The following PRKCE variants were observed in gnomAD, a reference collection of about 807,000 sequenced individuals.
The protein encoded by PRKCE is protein kinase C epsilon type.
A neutral mutation model predicts 85.4 loss-of-function variants in PRKCE; 16 were observed. The observed-to-expected ratio is 0.19, with a 90% confidence interval of 0.13 to 0.28. The LOEUF is 0.28. Ranked by LOEUF, PRKCE falls within the 10% of genes least tolerant of loss-of-function variation. The pLI is 1.00. For synonymous variants in PRKCE, 388 were observed against 371.5 expected, an observed-to-expected ratio of 1.04 and a Z score of -0.51; for missense variants, 573 against 975.2, an observed-to-expected ratio of 0.59 and a Z score of 5.49.
intron 1 of PRKCE, among the ~76,000 whole-genome samples, chr2:45,837,669 G>A (rs1377481943): frequency 6.6e-6 from 1 of 152,102 alleles, no homozygotes; most frequent in Admixed American, 6.5e-5. Context: ...CTAGCACACT[G>A]CATGATATAA....
intron 1 of PRKCE, among the ~76,000 whole-genome samples, chr2:45,660,752 G>C (rs570845208): frequency 6.6e-6 from 1 of 152,146 alleles, no homozygotes; most frequent in Non-Finnish European, 1.5e-5. Flanking sequence ...GTATATATGG[G>C]CTTGTTAGTA....
chr2:46,044,029 A>T (rs1708371933), intron 10 of PRKCE, among the ~76,000 whole-genome samples: 1 of 152,150 alleles, frequency 6.6e-6, no homozygotes, highest in East Asian at 1.9e-4. Context: ...CCTTGTTAGG[A>T]TTTCATGCCA....
intron 2 of PRKCE, among the ~76,000 whole-genome samples, chr2:45,958,835 T>C (rs1355395303): frequency 9.7e-6 from 1 of 102,572 alleles, no homozygotes; most frequent in Non-Finnish European, 2.0e-5. Flanking sequence ...TTTTTTTTTT[T>C]TTTTTTTTTT....
intron 10 of PRKCE, among the ~76,000 whole-genome samples, chr2:46,018,010 C>T (rs1369104577): frequency 6.6e-6 from 1 of 152,150 alleles, no homozygotes; most frequent in Non-Finnish European, 1.5e-5. Context: ...CTGTCACACA[C>T]ATGAAAAAGG....
At chr2:46,040,301 G>C (rs547436879) in intron 10 of PRKCE, among the ~76,000 whole-genome samples, 1 of 152,280 alleles carries the variant, frequency 6.6e-6, no homozygotes, top group Admixed American at 6.5e-5. Context: ...AAGAGGAGAC[G>C]AGTGGAAAGC....
chr2:46,040,211 A>G (rs925051970), intron 10 of PRKCE, among the ~76,000 whole-genome samples: 1 of 152,204 alleles, frequency 6.6e-6, no homozygotes, highest in Non-Finnish European at 1.5e-5. Context: ...ATTGAACTGA[A>G]CTAGGCCTCA....
At chr2:45,777,517 A>G (rs1309183688) in intron 1 of PRKCE, among the ~76,000 whole-genome samples, 3 of 152,184 alleles carry the variant, frequency 2.0e-5, no homozygotes, top group Admixed American at 1.3e-4. Context: ...CTGATGAGCA[A>G]CAGAGCTGGG....
chr2:46,062,059 G>A (rs562204025), intron 10 of PRKCE, among the ~76,000 whole-genome samples: 3 of 151,528 alleles, frequency 2.0e-5, no homozygotes, highest in Admixed American at 1.3e-4. Flanking sequence ...ACAGGGTTTC[G>A]CCATGTTGGT....
At chr2:45,842,742 C>G (rs2105484606) in intron 1 of PRKCE, among the ~76,000 whole-genome samples, 1 of 152,306 alleles carries the variant, frequency 6.6e-6, no homozygotes, top group East Asian at 1.9e-4. Context: ...CATGGCAAAA[C>G]TGCCTCCAGA....
chr2:46,089,468 C>T (rs1288738038), intron 11 of PRKCE, among the ~76,000 whole-genome samples: 1 of 152,202 alleles, frequency 6.6e-6, no homozygotes, highest in East Asian at 1.9e-4. Context: ...ATCCATCCAC[C>T]TCCCCTCAAT....
chr2:45,710,725 T>C (rs1471475836), intron 1 of PRKCE, among the ~76,000 whole-genome samples: 1 of 152,214 alleles, frequency 6.6e-6, no homozygotes, highest in African/African-American at 2.4e-5. Context: ...AACTGACATC[T>C]TGTTTTTGCC....
intron 1 of PRKCE, among the ~76,000 whole-genome samples, chr2:45,673,027 C>T (rs1045162188): frequency 6.6e-6 from 1 of 152,114 alleles, no homozygotes; most frequent in African/African-American, 2.4e-5. Context: ...AGAGCAAGTC[C>T]CTGTCTCTAA....
At position 45,663,376 on chromosome 2, in the gene PRKCE, A is replaced by G. The variant is rs1267543806; in HGVS notation, c.348+10928A>G. On this transcript the variant is annotated intron_variant, in intron 1 of 14. Coordinates refer to ENST00000306156, the MANE Select transcript of PRKCE (RefSeq NM_005400.3). ...GAAGAACTGTGGGAATTCAAAGGAGAGGGGAATTAATGTGGGTTCTGCTAG... is the reference window on the plus strand; with the variant it reads ...GAAGAACTGTGGGAATTCAAAGGAGGGGGGAATTAATGTGGGTTCTGCTAG... Among the ~76,000 whole-genome samples the G allele has an allele frequency of 4.6e-5, 7 of 152,300 alleles. No homozygotes were observed. In the East Asian group the frequency reaches 9.6e-4, roughly 21 times the overall value.
chr2:46,118,011 A>C (rs1431532920), intron 11 of PRKCE, among the ~76,000 whole-genome samples: 2 of 152,234 alleles, frequency 1.3e-5, no homozygotes, highest in African/African-American at 4.8e-5. Flanking sequence ...GATCTACCCT[A>C]GCTCTAATAG....
chr2:45,746,003 A>G (rs553388021), intron 1 of PRKCE, among the ~76,000 whole-genome samples: 3 of 152,272 alleles, frequency 2.0e-5, no homozygotes, highest in Non-Finnish European at 4.4e-5. Context: ...GTTAATTATC[A>G]CACGCCTACA....
intron 10 of PRKCE, among the ~76,000 whole-genome samples, chr2:46,055,496 T>A (rs1666487578): frequency 6.6e-6 from 1 of 152,234 alleles, no homozygotes; most frequent in Non-Finnish European, 1.5e-5. Flanking sequence ...TCAAAGCTAG[T>A]TATCTGGCTT....
At chr2:45,690,372 C>T (rs1043237685) in intron 1 of PRKCE, among the ~76,000 whole-genome samples, 8 of 152,168 alleles carry the variant, frequency 5.3e-5, no homozygotes, top group African/African-American at 1.7e-4. Context: ...GTTCTTGGTC[C>T]CTGACCACTG....
intron 1 of PRKCE, among the ~76,000 whole-genome samples, chr2:45,708,540 T>C (rs531019167): frequency 6.6e-6 from 1 of 152,234 alleles, no homozygotes; most frequent in Non-Finnish European, 1.5e-5. Flanking sequence ...CTGTTGTCCA[T>C]GTAAGATGTG....
chr2:45,881,432 GATATAATGGTACTTAAATGTTATT>G, intron 2 of PRKCE, among the ~76,000 whole-genome samples: 1 of 152,188 alleles, frequency 6.6e-6, no homozygotes, highest in East Asian at 1.9e-4. Flanking sequence ...ACCATTTTTG[GATATAATGGTACTTAAATGTTATT>G]TAAGTACCCA....
Sources: gnomAD v4.1 joint callset for allele counts (sites outside exome capture counted in the v4.1 genomes callset) on GRCh38, gnomAD v4.1.1 for gene constraint, MANE v1.5 for transcripts, NCBI Gene and HGNC (gene_info 2026-07-23, HGNC 2026-07-21) for gene names.